AKAP6: variants seen among roughly 807,000 people sequenced by gnomAD.
The protein encoded by AKAP6 is A-kinase anchoring protein 6.
In AKAP6, 58 loss-of-function variants were observed where a neutral mutation model predicts 188.5. That is an observed-to-expected ratio of 0.31 (90% confidence interval 0.25 to 0.38). The LOEUF (loss-of-function observed/expected upper bound fraction) is 0.38, where lower values mean the gene tolerates loss of function less well. AKAP6 is among the 10% of genes least tolerant of loss of function. The probability of loss-of-function intolerance (pLI) is 1.00; values close to 1 mark genes in which losing one functional copy is unlikely to be tolerated. For synonymous variants in AKAP6, 989 were observed against 998.6 expected, an observed-to-expected ratio of 0.99 and a Z score of 0.18; for missense variants, 2,710 against 2,740.0, an observed-to-expected ratio of 0.99 and a Z score of 0.24.
intron 1 of AKAP6, among the ~76,000 whole-genome samples, chr14:32,390,058 T>C (rs1486786863): frequency 1.3e-5 from 2 of 152,142 alleles, no homozygotes; most frequent in Non-Finnish European, 2.9e-5. Context: ...TTCTTTTTTC[T>C]TTGTCTCTGT....
At chr14:32,584,984 A>T (rs76098314) in intron 5 of AKAP6, among the ~76,000 whole-genome samples, 2 of 152,196 alleles carry the variant, frequency 1.3e-5, no homozygotes, top group Non-Finnish European at 2.9e-5. Flanking sequence ...GAAGCATAAT[A>T]AATAGAAGCA....
intron 2 of AKAP6, among the ~76,000 whole-genome samples, chr14:32,439,424 T>C (rs1390044143): frequency 1.3e-5 from 2 of 152,168 alleles, no homozygotes; most frequent in African/African-American, 4.8e-5. Flanking sequence ...TGGTACAGTA[T>C]GTTCCCAGGC....
chr14:32,450,968 A>C (rs1023200560), intron 2 of AKAP6, among the ~76,000 whole-genome samples: 1 of 152,188 alleles, frequency 6.6e-6, no homozygotes, highest in Non-Finnish European at 1.5e-5. Context: ...AAATAACAAA[A>C]CGAGGAAAGT....
chr14:32,736,570 G>A (rs1478874518), intron 11 of AKAP6, among the ~76,000 whole-genome samples: 1 of 152,142 alleles, frequency 6.6e-6, no homozygotes, highest in Non-Finnish European at 1.5e-5. Context: ...CATAAATGCA[G>A]TCATTATTTG....
At chr14:32,491,818 T>C (rs1880032168) in intron 2 of AKAP6, among the ~76,000 whole-genome samples, 1 of 152,220 alleles carries the variant, frequency 6.6e-6, no homozygotes, top group Non-Finnish European at 1.5e-5. Flanking sequence ...ACATCAACTA[T>C]GTAATTTTTA....
At chr14:32,646,124 G>T (rs1020481693) in intron 7 of AKAP6, among the ~76,000 whole-genome samples, 1 of 152,004 alleles carries the variant, frequency 6.6e-6, no homozygotes, top group Non-Finnish European at 1.5e-5. Context: ...GAAGAAAAGT[G>T]AGTCAATATT....
chr14:32,807,043 G>A (rs1310353482), intron 12 of AKAP6, among the ~76,000 whole-genome samples: 1 of 148,110 alleles, frequency 6.8e-6, no homozygotes, highest in African/African-American at 2.5e-5. Context: ...GACAGAGCGA[G>A]ACTCCATCTC....
At chr14:32,519,539 T>G (rs1227145955) in intron 2 of AKAP6, among the ~76,000 whole-genome samples, 2 of 150,642 alleles carry the variant, frequency 1.3e-5, no homozygotes, top group African/African-American at 4.9e-5. Context: ...AAGCAGGGGT[T>G]GCAATCTTAG....
intron 7 of AKAP6, among the ~76,000 whole-genome samples, chr14:32,652,298 C>T (rs756218627): frequency 3.3e-5 from 5 of 152,136 alleles, no homozygotes; most frequent in Non-Finnish European, 5.9e-5. Context: ...ATGGGAGCCA[C>T]CAGCCACCAA....
chr14:32,453,147 T>C (rs1428234401), intron 2 of AKAP6, among the ~76,000 whole-genome samples: 1 of 152,228 alleles, frequency 6.6e-6, no homozygotes, highest in African/African-American at 2.4e-5. Flanking sequence ...GGATTTTCCA[T>C]TCAAGGACAT....
intron 7 of AKAP6, among the ~76,000 whole-genome samples, chr14:32,663,711 T>A (rs528009220): frequency 3.3e-5 from 5 of 152,050 alleles, no homozygotes; most frequent in Non-Finnish European, 7.4e-5. Context: ...CAAGAGCAGC[T>A]AGGGAGGAGG....
intron 11 of AKAP6, among the ~76,000 whole-genome samples, chr14:32,747,754 A>G (rs1191493994): frequency 6.6e-6 from 1 of 152,250 alleles, no homozygotes; most frequent in Non-Finnish European, 1.5e-5. Context: ...GAACATTTTT[A>G]CAGGCAGTCC....
chr14:32,571,227 T>A (rs1031338846), intron 4 of AKAP6, among the ~76,000 whole-genome samples: 17 of 151,754 alleles, frequency 1.1e-4, no homozygotes, highest in Admixed American at 3.3e-4. Context: ...TTTTTTTTTT[T>A]AATATAGTGA....
intron 7 of AKAP6, among the ~76,000 whole-genome samples, chr14:32,628,378 A>G (rs1308875271): frequency 6.6e-6 from 1 of 152,164 alleles, no homozygotes; most frequent in Non-Finnish European, 1.5e-5. Flanking sequence ...AGTAATGAAC[A>G]TAAAATTACA....
chr14:32,745,264 T>C (rs2031846827), intron 11 of AKAP6, among the ~76,000 whole-genome samples: 1 of 152,126 alleles, frequency 6.6e-6, no homozygotes, highest in Non-Finnish European at 1.5e-5. Flanking sequence ...TTTCCAGATA[T>C]TTGAAATGAC....
chr14:32,428,376 C>G (rs1168755226), intron 1 of AKAP6, among the ~76,000 whole-genome samples: 1 of 152,150 alleles, frequency 6.6e-6, no homozygotes, highest in East Asian at 1.9e-4. Context: ...TAGCAGCCCT[C>G]TCTGCACAAG....
At chr14:32,470,474 G>A (rs1878713773) in intron 2 of AKAP6, among the ~76,000 whole-genome samples, 1 of 152,138 alleles carries the variant, frequency 6.6e-6, no homozygotes, top group Admixed American at 6.5e-5. Flanking sequence ...AATGTAAATT[G>A]TATCACTGCT....
intron 12 of AKAP6, among the ~76,000 whole-genome samples, chr14:32,790,225 A>G (rs569640010): frequency 2.6e-5 from 4 of 152,326 alleles, no homozygotes; most frequent in Admixed American, 2.6e-4. Context: ...GATTATGTAA[A>G]GAGACTGAAT....
intron 9 of AKAP6, among the ~76,000 whole-genome samples, chr14:32,725,150 T>C (rs987275695): frequency 2.0e-5 from 3 of 152,150 alleles, no homozygotes; most frequent in Non-Finnish European, 4.4e-5. Context: ...TTCTAAACTT[T>C]TCCCCTTTTA....
Sources: allele counts gnomAD v4.1 joint callset (sites outside exome capture counted in the v4.1 genomes callset), GRCh38; gene constraint gnomAD v4.1.1; transcripts MANE v1.5; gene names NCBI Gene and HGNC (gene_info 2026-07-23, HGNC 2026-07-21).